Variants in TPR observed in about 807,000 individuals in gnomAD.
TPR encodes the protein nucleoprotein TPR.
A neutral mutation model predicts 316.1 loss-of-function variants in TPR; 51 were observed. The ratio of observed to expected loss-of-function variants is 0.16; its 90% CI spans 0.13 to 0.20. The LOEUF (loss-of-function observed/expected upper bound fraction) is 0.20. Among genes scored for constraint, TPR ranks in the 10% least tolerant of loss-of-function variants. TPR has a pLI of 1.00. For synonymous variants in TPR, 981 were observed against 914.7 expected, an observed-to-expected ratio of 1.07 and a Z score of -1.31; for missense variants, 2,272 against 2,754.8, an observed-to-expected ratio of 0.82 and a Z score of 3.92.
rs200175142 is a variant in TPR at position 186,347,338 on chromosome 1, T to C, written c.2897A>G (p.Gln966Arg). The change falls in exon 22 of 51, where the codon CAA (glutamine) becomes CGA (arginine). Residue 966 changes from glutamine (Q) to arginine (R), a missense_variant. This residue lies in a region of TPR where 757 missense variants were observed against 859.8 expected (regional missense o/e 0.88). Coordinates refer to ENST00000367478, the MANE Select transcript of TPR (RefSeq NM_003292.3). ...KTSTSNVEQYQAMVTSLEESL... is the reference protein window; with the variant it reads ...KTSTSNVEQYRAMVTSLEESL... ...TTCTTCTAAACTAGTAACCATTGCTTGATATTGTTCCACATTGCTCGTACT... is the reference window on the plus strand; with the variant it reads ...TTCTTCTAAACTAGTAACCATTGCTCGATATTGTTCCACATTGCTCGTACT... 6.2e-7 allele frequency: 1 copy of C among 1,613,778 alleles called. No homozygotes were observed. Among genetic ancestry groups the C allele is most frequent in the Admixed American group, 1.7e-5 (1 of 60,028 alleles).
At chr1:186,350,190 T>G in intron 21 of TPR, 33 bp downstream of exon 21, 2 of 1,543,408 alleles carry the variant, frequency 1.3e-6, no homozygotes, top group Non-Finnish European at 1.7e-6. Flanking sequence ...ACTTGTTTAT[T>G]TACAATTATA....
Position 186,334,394 on chromosome 1 carries a change from T to A in TPR, c.5113A>T (p.Thr1705Ser), listed in dbSNP as rs189542880. The A allele has an allele frequency of 2.9e-5, 47 of 1,613,660 alleles. No individual in the cohort carries two copies. The highest frequency in any genetic ancestry group is 3.9e-5 in the Non-Finnish European group (46 of 1,179,726). Residue 1705 changes from threonine (T) to serine (S), a missense_variant, in exon 36 of 51, where the codon ACT becomes TCT. Thr to Ser is a moderately conservative substitution (Grantham distance 58). Transcript: ENST00000367478. The part of the protein sequence containing the change: ...ASIRPMVTPA[T>S]VTNPTTTPTA... ...GGGGTAGTAGTGGGATTTGTAACAG[T>A]TGCAGGTGTAACCATTGGGCGGATA...
At chr1:186,319,611 T>C in intron 46 of TPR, among the ~76,000 whole-genome samples, 1 of 152,194 alleles carries the variant, frequency 6.6e-6, no homozygotes, top group Non-Finnish European at 1.5e-5. Context: ...TTAGAACTAA[T>C]ATCCTAAACA....
intron 7 of TPR, 84 bp downstream of exon 7, chr1:186,362,203 TA>T (rs1216773552): frequency 3.5e-6 from 4 of 1,157,624 alleles, no homozygotes; most frequent in Non-Finnish European, 5.0e-6. Context: ...AAGGACAGAT[TA>T]AAAAATGACA....
At chr1:186,328,475 A>G (rs1453272171) in intron 39 of TPR, among the ~76,000 whole-genome samples, 11 of 152,158 alleles carry the variant, frequency 7.2e-5, no homozygotes, top group Admixed American at 2.0e-4. Flanking sequence ...ATTTGTATCA[A>G]TTTGGACAGC....
chr1:186,355,974 T>A (rs953134710), intron 15 of TPR, among the ~76,000 whole-genome samples: 3 of 152,176 alleles, frequency 2.0e-5, no homozygotes, highest in Admixed American at 2.0e-4. Flanking sequence ...AATTCAGTAT[T>A]TATGGGTTAA....
chr1:186,349,774 A>C (rs1658803412), intron 21 of TPR, among the ~76,000 whole-genome samples: 1 of 152,160 alleles, frequency 6.6e-6, no homozygotes, highest in African/African-American at 2.4e-5. Context: ...CTATGAAACA[A>C]ATCTTTTACC....
intron 13 of TPR, among the ~76,000 whole-genome samples, chr1:186,357,953 G>A (rs985540392): frequency 2.0e-5 from 3 of 152,084 alleles, no homozygotes; most frequent in African/African-American, 7.2e-5. Flanking sequence ...TTGTATATAT[G>A]ATAGGGCAGA....
intron 41 of TPR, 21 bp from the exon 42 acceptor site, chr1:186,325,875 C>G (rs745861171): frequency 6.2e-7 from 1 of 1,605,164 alleles, no homozygotes; most frequent in Admixed American, 1.7e-5. Flanking sequence ...AACGTGGTAA[C>G]ATAATGCTCA....
intron 50 of TPR, chr1:186,314,291 G>A (rs1276046426): frequency 1.2e-5 from 5 of 413,772 alleles, no homozygotes; most frequent in East Asian, 4.1e-5. Context: ...AAGCTTTATC[G>A]TGTTGTATAA....
In TPR at chr1:186,374,799, C is replaced by G. The variant is rs139507446; in HGVS notation, c.151+79G>C. 1,053 of 1,482,372 alleles carry G rather than the reference C, an allele frequency of 7.1e-4. 8 individuals are homozygous for G. The African/African-American group carries it at 0.014, about 19-fold the overall frequency. 91.8% of individuals were successfully genotyped at this position (1,482,372 alleles called of 1,614,324 possible). ...GAGGTTAACAGAGCGGTACCCAGTG[C>G]CAACTTGATGGGGGAAGACCAGACC... On this transcript the variant is annotated intron_variant, in intron 1 of 50. Coordinates refer to ENST00000367478, the MANE Select transcript of TPR (RefSeq NM_003292.3).
chr1:186,336,761 A>G (rs2102068612), intron 32 of TPR, 67 bp from the exon 33 acceptor site: 2 of 1,490,086 alleles, frequency 1.3e-6, no homozygotes, highest in East Asian at 2.4e-5. Flanking sequence ...ATGTGGTAGC[A>G]ACTTAAAGTA....
chr1:186,373,545 C>A, intron 1 of TPR, 82 bp from the exon 2 acceptor site: 2 of 797,890 alleles, frequency 2.5e-6, no homozygotes, highest in East Asian at 5.3e-5. Flanking sequence ...TTTCTAATAA[C>A]CTTGATTTTA....
rs1263720028 is a variant in TPR at position 186,326,292 on chromosome 1, G to T, written c.5890-57C>A. On this transcript the variant is annotated intron_variant, in intron 40 of 50. Transcript: ENST00000367478. ...GTTTAGAATATGGCCCACATGCTCT[G>T]CATGTCTAGATACCACACTTAGAAA... 10 of 1,547,690 alleles carry T rather than the reference G, an allele frequency of 6.5e-6. No individual in the cohort carries two copies. In the Admixed American group the frequency reaches 1.4e-4, roughly 21 times the overall value.
intron 27 of TPR, chr1:186,341,677 T>C (rs1658508539): frequency 3.7e-6 from 1 of 270,850 alleles, no homozygotes; most frequent in East Asian, 7.4e-5. Flanking sequence ...TTTACCTTTC[T>C]GTATCTTTTT....
intron 20 of TPR, 24 bp downstream of exon 20, chr1:186,351,306 A>C: frequency 6.3e-7 from 1 of 1,584,652 alleles, no homozygotes; most frequent in Middle Eastern, 1.7e-4. Flanking sequence ...ACCCTACAGA[A>C]ATTCAGAACT....
rs906384077 is a variant in TPR at position 186,341,343 on chromosome 1, G to C, written c.3797C>G (p.Thr1266Ser). The change falls in exon 28 of 51, where the codon ACT (threonine) becomes AGT (serine). Residue 1266 changes from threonine (T) to serine (S), a missense_variant. Physicochemically the swap from Thr to Ser is moderately conservative, Grantham distance 58. Coordinates refer to ENST00000367478, the MANE Select transcript of TPR (RefSeq NM_003292.3). ...MAQHEELMKK[T>S]ETMNVVMETN... ...CTCCATAACTACATTCATTGTTTCA[G>C]TTTTCTTCATCAGTTCTTCATGCTG... 4 of 1,613,620 alleles carry C rather than the reference G, an allele frequency of 2.5e-6. No individual in the cohort carries two copies. The highest frequency in any genetic ancestry group is 2.5e-6 in the Non-Finnish European group (3 of 1,179,962).
chr1:186,341,112 A>G lies in TPR; in HGVS notation c.3936T>C (p.Ala1312=). ...LDILPLQEAN[A]ELSEKSGMLQ... is the part of the protein sequence containing the mutation. ...ACATACCGCTTTTCTCACTCAGCTC[A>G]GCATTTGCTTCTTGTAAGGGTAAAA... is the stretch of plus-strand genomic sequence containing the variant. Residue 1312 remains alanine (A), a synonymous_variant, in exon 29 of 51, where the codon GCT becomes GCC. Transcript: ENST00000367478. 2 of 1,614,148 alleles carry G rather than the reference A, an allele frequency of 1.2e-6. No homozygotes were observed. The highest frequency in any genetic ancestry group is 1.7e-5 in the Admixed American group (1 of 60,022).
chr1:186,359,510 G>C (rs1659119574), intron 12 of TPR, among the ~76,000 whole-genome samples: 1 of 151,954 alleles, frequency 6.6e-6, no homozygotes, highest in Admixed American at 6.6e-5. Context: ...GCAGTTTTAG[G>C]AGATTTGGCT....
Sources: allele counts gnomAD v4.1 joint callset (sites outside exome capture counted in the v4.1 genomes callset), GRCh38; gene constraint gnomAD v4.1.1; regional missense constraint gnomAD v4.1.1; transcripts MANE v1.5; gene names NCBI Gene and HGNC (gene_info 2026-07-23, HGNC 2026-07-21).